Variants in SLC25A21 observed in about 807,000 individuals in gnomAD.
SLC25A21 encodes solute carrier family 25 member 21.
A neutral mutation model predicts 43.8 loss-of-function variants in SLC25A21; 47 were observed. The observed-to-expected ratio is 1.07, with a 90% CI of 0.85 to 1.37. The LOEUF (loss-of-function observed/expected upper bound fraction) is 1.37, where lower values mean the gene tolerates loss of function less well. SLC25A21 is among the 40% of genes most tolerant of loss of function. The probability of loss-of-function intolerance (pLI) is 0.00; values close to 1 mark genes in which losing one functional copy is unlikely to be tolerated. For synonymous variants in SLC25A21, 131 were observed against 121.3 expected (o/e 1.08, Z -0.52); for missense variants, 352 against 350.2 (o/e 1.00, Z -0.04).
chr14:37,085,066 T>C (rs1020772000), intron 1 of SLC25A21, among the ~76,000 whole-genome samples: 1 of 152,230 alleles, frequency 6.6e-6, no homozygotes, highest in Non-Finnish European at 1.5e-5. Context: ...GCATGATTAT[T>C]ACTAAAAATA....
intron 1 of SLC25A21, among the ~76,000 whole-genome samples, chr14:37,112,284 G>A (rs1489118594): frequency 6.6e-6 from 1 of 152,058 alleles, no homozygotes; most frequent in African/African-American, 2.4e-5. Flanking sequence ...ACGGACCACT[G>A]GAGAACACTA....
chr14:37,032,406 T>C (rs1001831140), intron 1 of SLC25A21, among the ~76,000 whole-genome samples: 1 of 151,776 alleles, frequency 6.6e-6, no homozygotes, highest in African/African-American at 2.4e-5. Context: ...CGTGGTGGCG[T>C]GTGCCTGTAG....
chr14:37,170,675 C>G (rs912731219), intron 1 of SLC25A21, among the ~76,000 whole-genome samples: 1 of 151,940 alleles, frequency 6.6e-6, no homozygotes. Flanking sequence ...GCCTGTAGTC[C>G]CACCACTTTG....
Position 36,680,176 on chromosome 14 carries a change from T to G in SLC25A21, c.*482A>C. Reference sequence around the variant, plus strand: ...AAAAATTTTTCTTGTGCTCTTTAAATATTATTTATGGAATAATTTAATTCA... The same window carrying G: ...AAAAATTTTTCTTGTGCTCTTTAAAGATTATTTATGGAATAATTTAATTCA... On this transcript the variant is annotated 3_prime_UTR_variant, in exon 10 of 10. Transcript: ENST00000331299. The G allele has an allele frequency of 1.2e-6, 1 of 833,390 alleles. No homozygotes were observed. Among genetic ancestry groups the G allele is most frequent in the Non-Finnish European group, 1.4e-6 (1 of 694,438 alleles). 51.6% of individuals were successfully genotyped at this position (833,390 alleles called of 1,614,324 possible).
intron 1 of SLC25A21, among the ~76,000 whole-genome samples, chr14:37,110,475 T>G (rs577937473): frequency 6.6e-6 from 1 of 152,308 alleles, no homozygotes; most frequent in African/African-American, 2.4e-5. Flanking sequence ...TTGTATTCTT[T>G]GATTTCTCAG....
rs536517266 is a variant in SLC25A21, at chr14:37,040,359, A to AAG, written c.70+131920_70+131921dup. 6.6e-3 allele frequency among the ~76,000 whole-genome samples: 266 copies of AAG among 40,132 alleles called. 41 individuals are homozygous for AAG. Among genetic ancestry groups the AAG allele is most frequent in the Non-Finnish European group, 7.1e-3 (188 of 26,324 alleles). The allele number at this position is 40,132 out of a possible 152,430, so 26.3% of individuals were successfully genotyped here. On this transcript the variant is annotated intron_variant, in intron 1 of 9. Transcript: ENST00000331299. ...AAGGAAGGAAGGAAGGAAGGAAAGA[A>AAG]AGAGAGAGAGAGAGAGAAAGAAAGA...
chr14:36,878,214 TC>T (rs2073470412), intron 1 of SLC25A21, among the ~76,000 whole-genome samples: 1 of 152,108 alleles, frequency 6.6e-6, no homozygotes, highest in Admixed American at 6.6e-5. Flanking sequence ...TCAATGGCCA[TC>T]TATGAAACTA....
At chr14:37,127,969 C>G (rs1963326012) in intron 1 of SLC25A21, among the ~76,000 whole-genome samples, 1 of 152,154 alleles carries the variant, frequency 6.6e-6, no homozygotes. Flanking sequence ...ATGTGATTCT[C>G]AGATAAGAAA....
At chr14:37,139,494 A>C (rs186010950) in intron 1 of SLC25A21, among the ~76,000 whole-genome samples, 4 of 152,272 alleles carry the variant, frequency 2.6e-5, no homozygotes, top group African/African-American at 9.6e-5. Flanking sequence ...CACAAAAAAA[A>C]CTGATACCTT....
chr14:36,735,976 G>A (rs1472390357), intron 3 of SLC25A21, among the ~76,000 whole-genome samples: 3 of 115,810 alleles, frequency 2.6e-5, no homozygotes, highest in African/African-American at 7.0e-5. Flanking sequence ...TCACTCTGTC[G>A]CCCAGGCTGG....
At chr14:36,759,532 G>C (rs1470071566) in intron 3 of SLC25A21, 1 of 152,214 alleles carries the variant, frequency 6.6e-6, no homozygotes, top group Non-Finnish European at 1.5e-5. Context: ...GGTTACAAGT[G>C]AGCTCTCCTT....
chr14:36,784,578 C>T (rs926632253), intron 3 of SLC25A21, among the ~76,000 whole-genome samples: 1 of 152,160 alleles, frequency 6.6e-6, no homozygotes, highest in South Asian at 2.1e-4. Flanking sequence ...AGAGCAGTAA[C>T]CTTAGGTGTC....
intron 1 of SLC25A21, among the ~76,000 whole-genome samples, chr14:36,892,522 A>T (rs889689769): frequency 1.3e-5 from 2 of 152,112 alleles, no homozygotes; most frequent in Non-Finnish European, 2.9e-5. Context: ...AAGGCCAGGA[A>T]CAGAAAGACC....
At chr14:37,066,756 G>C (rs1962068928) in intron 1 of SLC25A21, among the ~76,000 whole-genome samples, 1 of 151,782 alleles carries the variant, frequency 6.6e-6, no homozygotes, top group Non-Finnish European at 1.5e-5. Flanking sequence ...ATATACACAT[G>C]GAGAGAGAGA....
At chr14:37,098,689 T>C (rs1475618754) in intron 1 of SLC25A21, 4 of 151,306 alleles carry the variant, frequency 2.6e-5, no homozygotes, top group Non-Finnish European at 5.9e-5. Context: ...ATTCTCCTTA[T>C]AGGACGATTA....
chr14:36,753,020 G>A (rs2139262804), intron 3 of SLC25A21, among the ~76,000 whole-genome samples: 1 of 152,220 alleles, frequency 6.6e-6, no homozygotes, highest in Non-Finnish European at 1.5e-5. Context: ...ATTTCTATGA[G>A]GTACCTAGAA....
At chr14:36,971,781 C>T (rs1301200356) in intron 1 of SLC25A21, among the ~76,000 whole-genome samples, 1 of 152,130 alleles carries the variant, frequency 6.6e-6, no homozygotes, top group Non-Finnish European at 1.5e-5. Flanking sequence ...GCTTCATATG[C>T]CCATTAATGT....
chr14:37,114,553 C>A (rs17106338), intron 1 of SLC25A21, among the ~76,000 whole-genome samples: 1 of 152,092 alleles, frequency 6.6e-6, no homozygotes, highest in African/African-American at 2.4e-5. Context: ...TAGTAAAACA[C>A]GCTATTTTTA....
At chr14:37,110,754 A>T (rs1436487505) in intron 1 of SLC25A21, among the ~76,000 whole-genome samples, 2 of 152,154 alleles carry the variant, frequency 1.3e-5, no homozygotes, top group African/African-American at 2.4e-5. Flanking sequence ...CTCCCAGACA[A>T]CTGTTTATCA....
Sources: allele counts gnomAD v4.1 joint callset (sites outside exome capture counted in the v4.1 genomes callset), GRCh38; gene constraint gnomAD v4.1.1; transcripts MANE v1.5; gene names NCBI Gene and HGNC (gene_info 2026-07-23, HGNC 2026-07-21).